DENND2B: variants seen among roughly 807,000 people sequenced by gnomAD.
DENND2B encodes DENN domain containing 2B, also known as DENN domain-containing protein 2B.
In DENND2B, 32 loss-of-function variants were observed where a neutral mutation model predicts 116.0. The observed-to-expected ratio is 0.28, with a 90% CI of 0.21 to 0.37. The LOEUF (loss-of-function observed/expected upper bound fraction) is 0.37. DENND2B is among the 10% of genes least tolerant of loss of function. DENND2B has a pLI of 1.00. For synonymous variants in DENND2B, 588 were observed against 583.9 expected, an observed-to-expected ratio of 1.01 and a Z score of -0.10; for missense variants, 1,276 against 1,477.7, an observed-to-expected ratio of 0.86 and a Z score of 2.24.
chr11:8,758,697 CA>C (rs2054039684), intron 1 of DENND2B, among the ~76,000 whole-genome samples: 1 of 152,184 alleles, frequency 6.6e-6, no homozygotes, highest in African/African-American at 2.4e-5. Context: ...TCCTATATGA[CA>C]ACAGTGGGCC....
intron 5 of DENND2B, among the ~76,000 whole-genome samples, chr11:8,716,386 C>T (rs1417175351): frequency 6.6e-6 from 1 of 152,202 alleles, no homozygotes; most frequent in Non-Finnish European, 1.5e-5. Flanking sequence ...CCTGGCTGCC[C>T]TCTCCCCAGC....
intron 1 of DENND2B, among the ~76,000 whole-genome samples, chr11:8,765,184 C>T (rs1211796127): frequency 6.6e-6 from 1 of 152,174 alleles, no homozygotes; most frequent in East Asian, 1.9e-4. Flanking sequence ...ATGCAGTCTG[C>T]TGGAGCTGAG....
At chr11:8,758,887 G>A (rs2054086044) in intron 1 of DENND2B, among the ~76,000 whole-genome samples, 1 of 152,216 alleles carries the variant, frequency 6.6e-6, no homozygotes, top group South Asian at 2.1e-4. Context: ...GCACGGCATT[G>A]GCAACAGCCA....
chr11:8,695,404 A>G, intron 19 of DENND2B, 59 bp downstream of exon 19: 1 of 1,508,898 alleles, frequency 6.6e-7, no homozygotes. Flanking sequence ...GGGAACACAA[A>G]TCTCCCAGCC....
intron 17 of DENND2B, 24 bp from the exon 18 acceptor site, chr11:8,696,690 G>A (rs1481911143): frequency 1.2e-6 from 2 of 1,612,300 alleles, no homozygotes; most frequent in Admixed American, 1.7e-5. Context: ...GACAATCTTT[G>A]AGGTTCAGGT....
chr11:8,715,202 G>A (rs2044514995), intron 6 of DENND2B, among the ~76,000 whole-genome samples: 1 of 152,200 alleles, frequency 6.6e-6, no homozygotes, highest in South Asian at 2.1e-4. Context: ...CTGGGGATTT[G>A]GGCCTGGCTG....
At chr11:8,774,233 T>C (rs2057321546) in intron 1 of DENND2B, 3 of 985,354 alleles carry the variant, frequency 3.0e-6, no homozygotes, top group South Asian at 4.7e-5. Context: ...CCTTCAGCCC[T>C]ACCTGTCTTT....
intron 1 of DENND2B, among the ~76,000 whole-genome samples, chr11:8,787,862 C>T (rs193155867): frequency 5.5e-4 from 84 of 152,334 alleles, no homozygotes; most frequent in African/African-American, 2.0e-3. Context: ...TACAAATCCA[C>T]GACTTTTTGA....
chr11:8,846,893 C>T (rs1594218958), intron 3 of DENND2B, among the ~76,000 whole-genome samples: 1 of 152,224 alleles, frequency 6.6e-6, no homozygotes, highest in African/African-American at 2.4e-5. Context: ...AGGCTTGTGA[C>T]TTAGACATGT....
At position 8,693,673 on chromosome 11, in the gene DENND2B, A is replaced by G. The variant is rs1647810391; in HGVS notation, c.*423T>C. ...AAAAGGTCCTCCTGTACATAACAAG[A>G]CAGCATCTGCTCTCCAGGGCCCGGG... On this transcript the variant is annotated 3_prime_UTR_variant, in exon 20 of 20. Transcript: ENST00000313726. 2 of 181,696 alleles carry G rather than the reference A, an allele frequency of 1.1e-5. No homozygotes were observed. 11.3% of individuals were successfully genotyped at this position (181,696 alleles called of 1,614,324 possible).
In DENND2B at chr11:8,884,474, G is replaced by C. The variant is rs11042108; in HGVS notation, c.-255-3365C>G. Among the ~76,000 whole-genome samples the C allele has an allele frequency of 2.6e-5, 4 of 152,034 alleles. No individual in the cohort carries two copies. In the East Asian group the frequency reaches 7.8e-4, roughly 29 times the overall value. On this transcript the variant is annotated intron_variant, in intron 1 of 22. Coordinates refer to the DENND2B transcript ENST00000534127. ...CCCAAGTAGCTGAGAGTGTAGGCAC[G>C]AGCCACCACATCTGATTTAGATTTC...
intron 3 of DENND2B, among the ~76,000 whole-genome samples, chr11:8,727,995 ACACACACACACACG>A (rs764309302): frequency 2.0e-5 from 2 of 101,426 alleles, no homozygotes. Context: ...ACACACACAC[ACACACACACACACG>A]CAAATTTTTT....
At chr11:8,726,028 G>A in intron 4 of DENND2B, 45 bp downstream of exon 4, 1 of 1,612,044 alleles carries the variant, frequency 6.2e-7, no homozygotes, top group Non-Finnish European at 8.5e-7. Flanking sequence ...CTGTTCTTCT[G>A]CAGCCCCCTG....
intron 4 of DENND2B, among the ~76,000 whole-genome samples, chr11:8,826,107 A>G (rs2061969361): frequency 6.6e-6 from 1 of 152,194 alleles, no homozygotes. Context: ...AAGAAGATAG[A>G]AAACTACCGC....
chr11:8,717,271 G>T (rs1294929416), intron 5 of DENND2B, among the ~76,000 whole-genome samples: 1 of 152,086 alleles, frequency 6.6e-6, no homozygotes, highest in Non-Finnish European at 1.5e-5. Context: ...CACCTGTCTG[G>T]CTCTCCAAAT....
intron 1 of DENND2B, among the ~76,000 whole-genome samples, chr11:8,777,914 T>C (rs925105491): frequency 6.6e-6 from 1 of 152,246 alleles, no homozygotes; most frequent in African/African-American, 2.4e-5. Flanking sequence ...TGTTGCTTTT[T>C]ATAGCATGAA....
rs3751070 is a variant in DENND2B at position 8,784,930 on chromosome 11, C to T, written c.-26+25587G>A. Among the ~76,000 whole-genome samples, 40 of 152,046 alleles carry T rather than the reference C, an allele frequency of 2.6e-4. No individual in the cohort carries two copies. In the East Asian group the frequency reaches 6.8e-3, roughly 26 times the overall value. On this transcript the variant is annotated intron_variant, in intron 1 of 19. Transcript: ENST00000313726. ...AGCCGATCTTGTGTTTAGGCAAATA[C>T]GAAACATCTACAACTTGAAACTAAA...
intron 2 of DENND2B, among the ~76,000 whole-genome samples, chr11:8,731,530 C>T (rs1238145718): frequency 3.3e-5 from 5 of 152,096 alleles, no homozygotes; most frequent in African/African-American, 1.2e-4. Flanking sequence ...GGACAGAAAG[C>T]CCAGTGGTGT....
intron 1 of DENND2B, among the ~76,000 whole-genome samples, chr11:8,894,862 C>T (rs2064080086): frequency 1.3e-5 from 2 of 152,138 alleles, no homozygotes. Flanking sequence ...GGATCCAGAA[C>T]TAGAAATACC....
Sources: gnomAD v4.1 joint callset for allele counts (sites outside exome capture counted in the v4.1 genomes callset) on GRCh38, gnomAD v4.1.1 for gene constraint, MANE v1.5 for transcripts, NCBI Gene and HGNC (gene_info 2026-07-23, HGNC 2026-07-21) for gene names.